Variants in ARHGEF10 observed in about 807,000 individuals in gnomAD.
The protein encoded by ARHGEF10 is Rho guanine nucleotide exchange factor 10.
ARHGEF10 carries 140 observed loss-of-function variants against 147.4 expected under a neutral mutation model. That is an observed-to-expected ratio of 0.95 (90% CI 0.83 to 1.09). The LOEUF is 1.09. Ranked by LOEUF, ARHGEF10 falls within the 50% of genes least tolerant of loss-of-function variation. The pLI, the probability that ARHGEF10 is intolerant of heterozygous loss-of-function variation, is 0.00. For missense variants in ARHGEF10, 2,222 were observed against 1,752.7 expected (o/e 1.27, Z -4.78); for synonymous variants, 902 against 695.8 (o/e 1.30, Z -4.67).
rs140947400 is a variant in ARHGEF10, at chr8:1,860,213, G to A, written c.481+29G>A. 4.7e-3 allele frequency: 7,513 copies of A among 1,607,058 alleles called. 38 individuals are homozygous for A. Among genetic ancestry groups the A allele is most frequent in the Non-Finnish European group, 5.0e-3 (5,874 of 1,179,660 alleles). Reference sequence around the variant, plus strand: ...CTGCTACCCTCCTCTCCACGCCCCCGAAGTGGCCTGTGGTTCCCTCCTCTC... The same window carrying A: ...CTGCTACCCTCCTCTCCACGCCCCCAAAGTGGCCTGTGGTTCCCTCCTCTC... On this transcript the variant is annotated intron_variant, in intron 4 of 28. Coordinates refer to ENST00000349830, the MANE Select transcript of ARHGEF10 (RefSeq NM_014629.4).
At chr8:1,880,497 A>G (rs1279697769) in intron 9 of ARHGEF10, among the ~76,000 whole-genome samples, 2 of 152,254 alleles carry the variant, frequency 1.3e-5, no homozygotes, top group East Asian at 1.9e-4. Flanking sequence ...GCAATTTTTC[A>G]TCAATGTTAT....
Position 1,926,522 on chromosome 8 carries a change from G to A in ARHGEF10, c.2697+59G>A, listed in dbSNP as rs776575915. The stretch of plus-strand genomic sequence containing the variant: ...CACAGAGAATCAACGTTCATGGTCG[G>A]TGTGATGAGAGACTGAGATGTGAAT... On this transcript the variant is annotated intron_variant, in intron 23 of 28. Transcript: ENST00000349830. The A allele has an allele frequency of 3.3e-6, 5 of 1,497,094 alleles. No individual in the cohort carries two copies. The South Asian group carries it at 5.6e-5, about 17-fold the overall frequency. 92.7% of individuals were successfully genotyped at this position (1,497,094 alleles called of 1,614,324 possible).
intron 23 of ARHGEF10, chr8:1,926,724 C>T (rs1299379505): frequency 3.7e-6 from 2 of 536,164 alleles, no homozygotes; most frequent in Non-Finnish European, 6.7e-6. Context: ...CCAGAGACAA[C>T]TAACTAATAA....
chr8:1,925,480 C>G, intron 22 of ARHGEF10, 76 bp downstream of exon 22: 1 of 1,591,044 alleles, frequency 6.3e-7, no homozygotes, highest in Non-Finnish European at 8.6e-7. Flanking sequence ...GGAGATGATT[C>G]TTAAGGGGCG....
In ARHGEF10 at chr8:1,839,727, C is replaced by T. The variant is rs369580765; in HGVS notation, c.-47-3626C>T. ...GGGACTGTCTGGTGTGGGGACTGTCCGGTGTGGAAGCTGTCTGGTGTGGAA... is the reference window on the plus strand; with the variant it reads ...GGGACTGTCTGGTGTGGGGACTGTCTGGTGTGGAAGCTGTCTGGTGTGGAA... On this transcript the variant is annotated intron_variant, in intron 1 of 28. Transcript: ENST00000349830. 3.0e-3 allele frequency among the ~76,000 whole-genome samples: 222 copies of T among 74,772 alleles called. 1 individual carries two copies. Among genetic ancestry groups the T allele is most frequent in the African/African-American group, 6.2e-3 (104 of 16,812 alleles). The allele number at this position is 74,772 out of a possible 152,430, so 49.1% of individuals were successfully genotyped here.
At chr8:1,828,420 T>G (rs1174027430) in intron 1 of ARHGEF10, among the ~76,000 whole-genome samples, 1 of 151,742 alleles carries the variant, frequency 6.6e-6, no homozygotes, top group African/African-American at 2.4e-5. Flanking sequence ...TTTAAGGAAT[T>G]ACATTTTGAT....
At chr8:1,843,898 C>G in intron 2 of ARHGEF10, among the ~76,000 whole-genome samples, 1 of 152,160 alleles carries the variant, frequency 6.6e-6, no homozygotes, top group East Asian at 1.9e-4. Flanking sequence ...TCCATATGCT[C>G]CAATAAGGGA....
At chr8:1,866,414 T>G (rs1205826679) in intron 5 of ARHGEF10, 112 bp from the exon 6 acceptor site, 3 of 836,944 alleles carry the variant, frequency 3.6e-6, no homozygotes, top group African/African-American at 4.4e-5. Flanking sequence ...CATATATATA[T>G]ATATTCTGAC....
rs143796619 is a variant in ARHGEF10, at chr8:1,857,533, C to T, written c.38-427C>T. Among the ~76,000 whole-genome samples, 1,042 of 151,988 alleles carry T rather than the reference C, an allele frequency of 6.9e-3. 13 individuals are homozygous for T. The highest frequency in any genetic ancestry group is 0.024 in the African/African-American group (1,000 of 41,452). ...CTCTCGGGTTCAAGCCATTCTCCTG[C>T]CCCACCTTCCTGAGAAGCTGGGATT... On this transcript the variant is annotated intron_variant, in intron 2 of 28. Coordinates refer to ENST00000349830, the MANE Select transcript of ARHGEF10 (RefSeq NM_014629.4).
chr8:1,851,831 T>C (rs1805173338), intron 2 of ARHGEF10, among the ~76,000 whole-genome samples: 1 of 151,966 alleles, frequency 6.6e-6, no homozygotes, highest in South Asian at 2.1e-4. Context: ...GGAGGATTGC[T>C]TGAGCCCAGG....
intron 2 of ARHGEF10, among the ~76,000 whole-genome samples, chr8:1,851,697 G>C (rs963433852): frequency 7.2e-5 from 11 of 152,266 alleles, no homozygotes; most frequent in Non-Finnish European, 1.5e-4. Context: ...AGGATCACTT[G>C]AGTTCAGGAG....
intron 27 of ARHGEF10, among the ~76,000 whole-genome samples, chr8:1,951,153 C>G (rs1226857723): frequency 6.6e-6 from 1 of 152,358 alleles, no homozygotes; most frequent in African/African-American, 2.4e-5. Context: ...GCTTAAAATA[C>G]TTACTGTTGA....
At chr8:1,850,038 G>A (rs1423920868) in intron 2 of ARHGEF10, among the ~76,000 whole-genome samples, 1 of 88,626 alleles carries the variant, frequency 1.1e-5, no homozygotes, top group Non-Finnish European at 2.4e-5. Flanking sequence ...GGACACAGAG[G>A]GCAAATGCTG....
chr8:1,888,193 C>CTGAGTGGGGCTGTAGGTTCT lies in ARHGEF10; in HGVS notation c.1182+2486_1182+2487insTGAGTGGGGCTGTAGGTTCT, dbSNP rs1563233882. Reference sequence around the variant, plus strand: ...AGACAGTGAGTGGGGTGAGGGTTTGCGAGGAGACACTTAGTGGGGCGAGGG... The same window carrying CTGAGTGGGGCTGTAGGTTCT: ...AGACAGTGAGTGGGGTGAGGGTTTGCTGAGTGGGGCTGTAGGTTCTGAGGAGACACTTAGTGGGGCGAGGG... On this transcript the variant is annotated intron_variant, in intron 11 of 28. Transcript: ENST00000349830. Among the ~76,000 whole-genome samples the CTGAGTGGGGCTGTAGGTTCT allele has an allele frequency of 2.1e-3, 60 of 28,910 alleles. 18 individuals carry two copies. Among genetic ancestry groups the CTGAGTGGGGCTGTAGGTTCT allele is most frequent in the African/African-American group, 0.013 (49 of 3,900 alleles). The allele number at this position is 28,910 out of a possible 152,430, so 19.0% of individuals were successfully genotyped here.
At chr8:1,855,558 C>CT (rs545496176) in intron 2 of ARHGEF10, among the ~76,000 whole-genome samples, 247 of 144,860 alleles carry the variant, frequency 1.7e-3, no homozygotes, top group African/African-American at 3.6e-3. Context: ...ATTTTTGTAC[C>CT]TTTTTTTTTT....
intron 2 of ARHGEF10, among the ~76,000 whole-genome samples, chr8:1,843,926 A>G (rs942741749): frequency 6.6e-6 from 1 of 152,138 alleles, no homozygotes; most frequent in Non-Finnish European, 1.5e-5. Context: ...CTGATGAAAG[A>G]TTTATCTTCA....
At chr8:1,917,411 T>C (rs2129198593) in intron 18 of ARHGEF10, among the ~76,000 whole-genome samples, 1 of 152,342 alleles carries the variant, frequency 6.6e-6, no homozygotes, top group African/African-American at 2.4e-5. Flanking sequence ...TAAGATGCTG[T>C]GAGGGTGCCC....
chr8:1,849,337 C>A (rs536290907), intron 2 of ARHGEF10, among the ~76,000 whole-genome samples: 1 of 147,422 alleles, frequency 6.8e-6, no homozygotes, highest in Non-Finnish European at 1.5e-5. Context: ...TGGACACAGA[C>A]AGCAAATGCC....
chr8:1,866,534 A>G lies in ARHGEF10; in HGVS notation c.554A>G (p.Gln185Arg), dbSNP rs1362285165. 2.5e-6 allele frequency: 4 copies of G among 1,611,348 alleles called. No homozygotes were observed. The highest frequency in any genetic ancestry group is 1.3e-5 in the African/African-American group (1 of 74,824). ...GGTTTGTTTTCTTTAAGTGAAGATCAAGTCGGTCGAGAGGACAGCGCACTT... is the reference window on the plus strand; with the variant it reads ...GGTTTGTTTTCTTTAAGTGAAGATCGAGTCGGTCGAGAGGACAGCGCACTT... ...SSEEPPTSED[Q>R]VGREDSALAR... The change falls in exon 6 of 29, where the codon CAA becomes CGA. Residue 185 changes from glutamine to arginine, a missense_variant. Transcript: ENST00000349830.
Sources: gnomAD v4.1 joint callset for allele counts (sites outside exome capture counted in the v4.1 genomes callset) on GRCh38, gnomAD v4.1.1 for gene constraint, MANE v1.5 for transcripts, NCBI Gene and HGNC (gene_info 2026-07-23, HGNC 2026-07-21) for gene names.